Variants in BMPR2 observed in about 807,000 individuals in gnomAD.
BMPR2 encodes bone morphogenetic protein receptor type-2.
A neutral mutation model predicts 100.8 loss-of-function variants in BMPR2; 29 were observed. The observed-to-expected ratio is 0.29, with a 90% confidence interval of 0.21 to 0.39. BMPR2 has a LOEUF of 0.39. Ranked by LOEUF, BMPR2 falls within the 10% of genes least tolerant of loss-of-function variation. BMPR2 has a pLI of 1.00. For missense variants in BMPR2, 1,011 were observed against 1,274.5 expected, an observed-to-expected ratio of 0.79 and a Z score of 3.15; for synonymous variants, 382 against 442.3, an observed-to-expected ratio of 0.86 and a Z score of 1.71.
rs938400200 is a variant in BMPR2, at chr2:202,503,729, C to T, written c.419-9990C>T. ...CCTGCTCCACGGCGCCCAGTCCCAT[C>T]AACCACCCAAGGGCTGAGGAGTGTG... On this transcript the variant is annotated intron_variant, in intron 3 of 12. Coordinates refer to ENST00000374580, the MANE Select transcript of BMPR2 (RefSeq NM_001204.7). This position sits in a 1 kb window ranked among gnomAD's most constrained non-coding sequence, Gnocchi z 4.0. 2.6e-5 allele frequency among the ~76,000 whole-genome samples: 4 copies of T among 152,228 alleles called. No individual in the cohort carries two copies. Among genetic ancestry groups the T allele is most frequent in the African/African-American group, 9.6e-5 (4 of 41,476 alleles).
At chr2:202,472,850 G>T (rs1008582910) in intron 3 of BMPR2, among the ~76,000 whole-genome samples, 4 of 152,058 alleles carry the variant, frequency 2.6e-5, no homozygotes, top group African/African-American at 7.2e-5. Flanking sequence ...TAAGTAAAGC[G>T]CTCTAATTTG....
At chr2:202,470,027 C>T (rs201290600) in intron 3 of BMPR2, among the ~76,000 whole-genome samples, 7 of 152,206 alleles carry the variant, frequency 4.6e-5, no homozygotes, top group East Asian at 3.9e-4. Context: ...CTGAAACCAT[C>T]GTAGATGCAT....
chr2:202,466,379 C>T (rs986731527), intron 2 of BMPR2, among the ~76,000 whole-genome samples: 7 of 151,390 alleles, frequency 4.6e-5, no homozygotes, highest in African/African-American at 1.5e-4. Context: ...CTCCGCCTCC[C>T]GGGTTCAAGC....
chr2:202,423,194 G>A (rs1189044546), intron 1 of BMPR2, among the ~76,000 whole-genome samples: 11 of 152,084 alleles, frequency 7.2e-5, no homozygotes, highest in Non-Finnish European at 1.0e-4. Flanking sequence ...CAGCTGACAG[G>A]TGAAATACTA....
intron 10 of BMPR2, among the ~76,000 whole-genome samples, chr2:202,551,028 C>G (rs751462499): frequency 1.4e-5 from 2 of 143,268 alleles, no homozygotes; most frequent in Non-Finnish European, 3.0e-5. Context: ...GCGATCTCGG[C>G]TCACTCCAAC....
chr2:202,448,470 TA>T (rs563534612), intron 1 of BMPR2, among the ~76,000 whole-genome samples: 112 of 137,034 alleles, frequency 8.2e-4, no homozygotes, highest in Admixed American at 8.0e-4. Flanking sequence ...AAATAAAAAA[TA>T]AAAAAAAAAA....
At chr2:202,551,606 G>A (rs1490900144) in intron 10 of BMPR2, among the ~76,000 whole-genome samples, 1 of 152,192 alleles carries the variant, frequency 6.6e-6, no homozygotes, top group Admixed American at 6.6e-5. Flanking sequence ...CTAATAGATA[G>A]GAATACTGCA....
intron 1 of BMPR2, among the ~76,000 whole-genome samples, chr2:202,415,315 C>A (rs1027674875): frequency 6.6e-6 from 1 of 151,936 alleles, no homozygotes; most frequent in African/African-American, 2.4e-5. Flanking sequence ...ACTAAAAATA[C>A]AAAAAATTAG....
chr2:202,518,797 C>A, intron 5 of BMPR2, 25 bp from the exon 6 acceptor site: 1 of 1,581,546 alleles, frequency 6.3e-7, no homozygotes, highest in Non-Finnish European at 8.7e-7. Context: ...ATATTAATAC[C>A]TTGCTTTCTT....
chr2:202,421,590 G>A (rs527869515), intron 1 of BMPR2, among the ~76,000 whole-genome samples: 52 of 148,256 alleles, frequency 3.5e-4, no homozygotes, highest in Admixed American at 7.4e-4. Context: ...TGCAGTGAGC[G>A]GACATTGTGC....
intron 3 of BMPR2, among the ~76,000 whole-genome samples, chr2:202,476,253 C>T (rs1692549196): frequency 7.4e-6 from 1 of 135,150 alleles, no homozygotes; most frequent in Non-Finnish European, 1.6e-5. Flanking sequence ...TTAGGATTTC[C>T]AATTCCATGT....
intron 1 of BMPR2, among the ~76,000 whole-genome samples, chr2:202,443,095 T>G (rs1375949253): frequency 6.6e-6 from 1 of 150,560 alleles, no homozygotes; most frequent in Non-Finnish European, 1.5e-5. Flanking sequence ...TTTTCTACAC[T>G]GTGGGAAGAC....
chr2:202,458,163 T>C (rs1464890718), intron 1 of BMPR2, among the ~76,000 whole-genome samples: 1 of 151,560 alleles, frequency 6.6e-6, no homozygotes, highest in Non-Finnish European at 1.5e-5. Flanking sequence ...AAAAAATTTT[T>C]GAGCCAGGTA....
At chr2:202,412,485 A>T (rs989384327) in intron 1 of BMPR2, among the ~76,000 whole-genome samples, 12 of 151,800 alleles carry the variant, frequency 7.9e-5, no homozygotes, top group African/African-American at 2.9e-4. Context: ...TGCCCTGCTA[A>T]TTTTTTTGTA....
chr2:202,534,740 A>G (rs999810124), intron 9 of BMPR2, among the ~76,000 whole-genome samples: 1 of 152,058 alleles, frequency 6.6e-6, no homozygotes, highest in Non-Finnish European at 1.5e-5. Flanking sequence ...CAAAGCCGCC[A>G]TTGTCATCCT....
rs1288434845 is a variant in BMPR2 at position 202,464,961 on chromosome 2, A to G, written c.229A>G (p.Ile77Val). The G allele has an allele frequency of 1.2e-6, 2 of 1,614,208 alleles. No individual in the cohort carries two copies. The highest frequency in any genetic ancestry group is 1.7e-6 in the Non-Finnish European group (2 of 1,180,036). ...CCTTTGGGAGAAATCAAAAGGGGACATAAATCTTGTAAAACAAGGCAAGTG... is the reference window on the plus strand; with the variant it reads ...CCTTTGGGAGAAATCAAAAGGGGACGTAAATCTTGTAAAACAAGGCAAGTG... Reference protein sequence around the residue: ...YGLWEKSKGDINLVKQGCWSH... With the variant: ...YGLWEKSKGDVNLVKQGCWSH... Residue 77 changes from isoleucine (I) to valine (V), a missense_variant, in exon 2 of 13, where the codon ATA (isoleucine) becomes GTA (valine). Physicochemically the swap from Ile to Val is conservative, Grantham distance 29. This residue lies in a region of BMPR2 where 355 missense variants were observed against 455.3 expected (regional missense o/e 0.78). Coordinates refer to ENST00000374580, the MANE Select transcript of BMPR2 (RefSeq NM_001204.7).
chr2:202,508,760 A>T (rs1468413389), intron 3 of BMPR2, among the ~76,000 whole-genome samples: 2 of 152,238 alleles, frequency 1.3e-5, no homozygotes, highest in Non-Finnish European at 2.9e-5. Flanking sequence ...TTTATAATAA[A>T]AAGATTAAAA....
Position 202,555,345 on chromosome 2 carries a change from C to T in BMPR2, c.1680C>T (p.Asp560=), listed in dbSNP as rs1418044522. The T allele has an allele frequency of 1.9e-6, 3 of 1,613,992 alleles. No homozygotes were observed. The highest frequency in any genetic ancestry group is 1.1e-5 in the South Asian group (1 of 91,086). ...TTGAAGACTCTATCCATCATACTGA[C>T]AGCATCGTGAAGAATATTTCCTCTG... ...SYIEDSIHHT[D]SIVKNISSEH... is the part of the protein sequence containing the mutation. The change falls in exon 12 of 13, where the codon GAC becomes GAT. Residue 560 remains aspartate, a synonymous_variant. Transcript: ENST00000374580.
intron 3 of BMPR2, among the ~76,000 whole-genome samples, chr2:202,480,630 CA>C (rs1692639016): frequency 3.3e-5 from 5 of 151,708 alleles, no homozygotes; most frequent in Admixed American, 3.3e-4. Context: ...TTATTTTTCC[CA>C]ATTGAAAAGT....
Sources: gnomAD v4.1 joint callset for allele counts (sites outside exome capture counted in the v4.1 genomes callset) on GRCh38, gnomAD v4.1.1 for gene constraint, gnomAD v4.1.1 regional missense constraint, Gnocchi (gnomAD v3.1) non-coding constraint, MANE v1.5 for transcripts, NCBI Gene and HGNC (gene_info 2026-07-23, HGNC 2026-07-21) for gene names.